Variants in FGF12 observed in about 807,000 individuals in gnomAD.
The protein encoded by FGF12 is fibroblast growth factor 12B.
A neutral mutation model predicts 23.6 loss-of-function variants in FGF12; 14 were observed. That is an observed-to-expected ratio of 0.59 (90% CI 0.39 to 0.93). FGF12 has a LOEUF of 0.93. Ranked by LOEUF, FGF12 falls within the 40% of genes least tolerant of loss-of-function variation. The pLI is 0.00. For synonymous variants in FGF12, 62 were observed against 77.3 expected, an observed-to-expected ratio of 0.80 and a Z score of 1.04; for missense variants, 175 against 217.8, an observed-to-expected ratio of 0.80 and a Z score of 1.24.
chr3:192,639,132 C>T (rs555477220), intron 2 of FGF12, among the ~76,000 whole-genome samples: 8 of 152,140 alleles, frequency 5.3e-5, no homozygotes, highest in South Asian at 2.1e-4. Context: ...GATTTTAAAA[C>T]GGGCAGAGGA....
chr3:192,583,365 A>C (rs1265954684), intron 2 of FGF12, among the ~76,000 whole-genome samples: 1 of 152,210 alleles, frequency 6.6e-6, no homozygotes, highest in Non-Finnish European at 1.5e-5. Flanking sequence ...GCATCTTCAC[A>C]ATATGATGTT....
chr3:192,395,976 G>C (rs79380159), intron 2 of FGF12, among the ~76,000 whole-genome samples: 65 of 152,126 alleles, frequency 4.3e-4, no homozygotes, highest in African/African-American at 1.5e-3. Flanking sequence ...GGTTTGGGTC[G>C]GCTAGAGTAG....
intron 2 of FGF12, among the ~76,000 whole-genome samples, chr3:192,512,815 A>T (rs1440723025): frequency 1.3e-5 from 1 of 76,160 alleles, no homozygotes; most frequent in Non-Finnish European, 2.7e-5. Context: ...TCACTGTTAA[A>T]CCTAGAGTAT....
intron 2 of FGF12, among the ~76,000 whole-genome samples, chr3:192,670,261 GTTATT>G: frequency 6.6e-6 from 1 of 151,982 alleles, no homozygotes; most frequent in Middle Eastern, 3.4e-3. Context: ...CAAAAATATA[GTTATT>G]TTAATAAAAA....
At chr3:192,239,170 A>G (rs1264541624) in intron 4 of FGF12, among the ~76,000 whole-genome samples, 3 of 152,342 alleles carry the variant, frequency 2.0e-5, no homozygotes, top group South Asian at 2.1e-4. Flanking sequence ...TGCAGGATAC[A>G]TAAAAAGCTA....
At chr3:192,236,328 C>T (rs1302989036) in intron 4 of FGF12, among the ~76,000 whole-genome samples, 2 of 152,068 alleles carry the variant, frequency 1.3e-5, no homozygotes, top group South Asian at 2.1e-4. Flanking sequence ...GAATAATGTA[C>T]ATTCTGTTGT....
At chr3:192,257,035 T>C (rs906642787) in intron 4 of FGF12, among the ~76,000 whole-genome samples, 1 of 152,190 alleles carries the variant, frequency 6.6e-6, no homozygotes, top group African/African-American at 2.4e-5. Flanking sequence ...ACAGACTAAA[T>C]GTAAGATCCT....
At chr3:192,546,112 T>C (rs545886192) in intron 2 of FGF12, among the ~76,000 whole-genome samples, 1 of 152,226 alleles carries the variant, frequency 6.6e-6, no homozygotes, top group Non-Finnish European at 1.5e-5. Flanking sequence ...CTTTTGAGTC[T>C]GGACAACTTT....
At chr3:192,259,773 G>C (rs1490235606) in intron 4 of FGF12, among the ~76,000 whole-genome samples, 1 of 152,086 alleles carries the variant, frequency 6.6e-6, no homozygotes, top group Non-Finnish European at 1.5e-5. Flanking sequence ...AGTGGAAATA[G>C]TTTAACTTTA....
chr3:192,652,735 T>A (rs77106412), intron 2 of FGF12, among the ~76,000 whole-genome samples: 2 of 152,282 alleles, frequency 1.3e-5, no homozygotes, highest in African/African-American at 4.8e-5. Flanking sequence ...TGATGTTCAC[T>A]CAAATTTGAG....
chr3:192,631,095 T>A (rs1275549388), intron 2 of FGF12, among the ~76,000 whole-genome samples: 1 of 152,270 alleles, frequency 6.6e-6, no homozygotes, highest in East Asian at 1.9e-4. Flanking sequence ...TATCTCTTTC[T>A]CCAGTTCCTG....
chr3:192,463,822 TA>T (rs1419953501), intron 2 of FGF12, among the ~76,000 whole-genome samples: 1 of 152,172 alleles, frequency 6.6e-6, no homozygotes, highest in Non-Finnish European at 1.5e-5. Flanking sequence ...GTTCTTTTTT[TA>T]GGTTAGTTTC....
chr3:192,332,767 A>C (rs6763085), intron 4 of FGF12, among the ~76,000 whole-genome samples: 19,319 of 151,804 alleles, frequency 0.13, 2,225 homozygotes, highest in African/African-American at 0.3. Context: ...TTGCTTCAGC[A>C]CTCTCCTCTC....
chr3:192,671,018 C>T (rs1717094135), intron 2 of FGF12, among the ~76,000 whole-genome samples: 1 of 152,146 alleles, frequency 6.6e-6, no homozygotes, highest in South Asian at 2.1e-4. Flanking sequence ...TCACCTAGAT[C>T]TATCTTATTT....
At chr3:192,676,122 T>G (rs1272204264) in intron 2 of FGF12, among the ~76,000 whole-genome samples, 1 of 152,236 alleles carries the variant, frequency 6.6e-6, no homozygotes, top group South Asian at 2.1e-4. Flanking sequence ...ATTCTCAGTT[T>G]CATTTAGCAT....
intron 2 of FGF12, among the ~76,000 whole-genome samples, chr3:192,462,337 ATTAATCCATTCATGCATTTAATGGG>A: frequency 6.6e-6 from 1 of 152,176 alleles, no homozygotes; most frequent in African/African-American, 2.4e-5. Context: ...TCATGAATGG[ATTAATCCATTCATGCATTTAATGGG>A]TTATCATGGG....
At chr3:192,606,751 G>T (rs1009219150) in intron 2 of FGF12, among the ~76,000 whole-genome samples, 1 of 152,064 alleles carries the variant, frequency 6.6e-6, no homozygotes, top group Non-Finnish European at 1.5e-5. Context: ...TAAAAGCAGT[G>T]CAAGGATTTG....
At chr3:192,476,790 T>C (rs1723339232) in intron 2 of FGF12, among the ~76,000 whole-genome samples, 1 of 152,154 alleles carries the variant, frequency 6.6e-6, no homozygotes, top group Admixed American at 6.5e-5. Flanking sequence ...TATAGCCAAA[T>C]TGTAAATGAG....
At chr3:192,600,676 C>A (rs1220631405) in intron 2 of FGF12, among the ~76,000 whole-genome samples, 1 of 151,668 alleles carries the variant, frequency 6.6e-6, no homozygotes, top group African/African-American at 2.4e-5. Context: ...ATGCAAATGG[C>A]CAAGAAATAC....
Sources: gnomAD v4.1 joint callset for allele counts (sites outside exome capture counted in the v4.1 genomes callset) on GRCh38, gnomAD v4.1.1 for gene constraint, MANE v1.5 for transcripts, NCBI Gene and HGNC (gene_info 2026-07-23, HGNC 2026-07-21) for gene names.